ME3: variants seen among roughly 807,000 people sequenced by gnomAD.
ME3 encodes malic enzyme 3, also known as NADP-dependent malic enzyme, mitochondrial.
ME3 carries 48 observed loss-of-function variants against 68.9 expected under a neutral mutation model. That is an observed-to-expected ratio of 0.70 (90% CI 0.55 to 0.89). ME3 has a LOEUF of 0.89. Ranked by LOEUF, ME3 falls within the 40% of genes least tolerant of loss-of-function variation. The probability of loss-of-function intolerance (pLI) is 0.00; values close to 1 mark genes in which losing one functional copy is unlikely to be tolerated. For synonymous variants in ME3, 320 were observed against 318.8 expected, an observed-to-expected ratio of 1.00 and a Z score of -0.04; for missense variants, 675 against 797.4, an observed-to-expected ratio of 0.85 and a Z score of 1.85.
chr11:86,494,178 A>C (rs900006827), intron 6 of ME3, among the ~76,000 whole-genome samples: 1 of 152,170 alleles, frequency 6.6e-6, no homozygotes, highest in African/African-American at 2.4e-5. Flanking sequence ...AGTTTCTTCA[A>C]GTGGGTCTGG....
chr11:86,481,836 C>G (rs557337749), intron 7 of ME3, among the ~76,000 whole-genome samples: 1 of 152,234 alleles, frequency 6.6e-6, no homozygotes, highest in Admixed American at 6.5e-5. Context: ...CTCACAGCTC[C>G]AAAGGGGGCA....
At chr11:86,590,715 G>C (rs1346747824) in intron 2 of ME3, among the ~76,000 whole-genome samples, 1 of 152,168 alleles carries the variant, frequency 6.6e-6, no homozygotes, top group Non-Finnish European at 1.5e-5. Context: ...TGTTAATTAC[G>C]TTACTCTGGA....
rs1223143674 is a variant in ME3 at position 86,633,363 on chromosome 11, G to A, written c.183+38399C>T. Among the ~76,000 whole-genome samples, 5 of 152,172 alleles carry A rather than the reference G, an allele frequency of 3.3e-5. No homozygotes were observed. The East Asian group carries it at 9.6e-4, about 29-fold the overall frequency. ...TTATTAACCCTATTTTGTAGATCAG[G>A]AAACTGAGCACAACATGCTTACATA... is the stretch of plus-strand genomic sequence containing the variant. On this transcript the variant is annotated intron_variant, in intron 2 of 14. Transcript: ENST00000543262.
At chr11:86,557,468 G>T (rs1046761398) in intron 3 of ME3, among the ~76,000 whole-genome samples, 1 of 152,202 alleles carries the variant, frequency 6.6e-6, no homozygotes, top group Non-Finnish European at 1.5e-5. Flanking sequence ...CTGGCATGAG[G>T]TGGGATGGGA....
At chr11:86,544,774 T>G (rs144748880) in intron 4 of ME3, among the ~76,000 whole-genome samples, 15 of 151,966 alleles carry the variant, frequency 9.9e-5, no homozygotes. Flanking sequence ...TTCCAAACAA[T>G]AGAAAGAGAG....
chr11:86,565,259 A>G (rs995254389), intron 2 of ME3, among the ~76,000 whole-genome samples: 1 of 152,084 alleles, frequency 6.6e-6, no homozygotes, highest in Non-Finnish European at 1.5e-5. Flanking sequence ...AGAAATGAAA[A>G]CTCTGACTGG....
At chr11:86,482,708 A>G (rs562020292) in intron 7 of ME3, among the ~76,000 whole-genome samples, 65 of 151,752 alleles carry the variant, frequency 4.3e-4, no homozygotes, top group African/African-American at 1.5e-3. Context: ...GGAGCCCTAG[A>G]CTATCATGTA....
chr11:86,437,277 A>G (rs1282109408), downstream of ME3: 4 of 152,130 alleles, frequency 2.6e-5, no homozygotes, highest in Non-Finnish European at 5.9e-5. Flanking sequence ...TTGCACATAT[A>G]TATTCATTTT....
At chr11:86,471,226 C>A (rs1471320641) in intron 7 of ME3, among the ~76,000 whole-genome samples, 1 of 149,404 alleles carries the variant, frequency 6.7e-6, no homozygotes, top group Non-Finnish European at 1.5e-5. Flanking sequence ...TCCTCCACCT[C>A]CCGGGTTCAA....
At chr11:86,527,169 A>C (rs577083674) in intron 4 of ME3, among the ~76,000 whole-genome samples, 5 of 152,352 alleles carry the variant, frequency 3.3e-5, no homozygotes, top group African/African-American at 1.2e-4. Flanking sequence ...GAAATCCTTA[A>C]AGGACCTGAT....
Position 86,441,572 on chromosome 11 carries a change from T to C in ME3, c.1654-132A>G, listed in dbSNP as rs568579127. On this transcript the variant is annotated intron_variant, in intron 14 of 14. Transcript: ENST00000543262. ...TTGTTTCTTTCATGAGTATGGCTCA[T>C]GAAACAACTGGATAGGAAGGATTTT... 6.0e-6 allele frequency: 5 copies of C among 833,174 alleles called. No individual in the cohort carries two copies. The South Asian group carries it at 1.2e-4, about 21-fold the overall frequency. The allele number at this position is 833,174 out of a possible 1,614,324, so 51.6% of individuals were successfully genotyped here.
intron 2 of ME3, among the ~76,000 whole-genome samples, chr11:86,620,341 A>G (rs1306186249): frequency 1.3e-5 from 2 of 152,190 alleles, no homozygotes; most frequent in African/African-American, 4.8e-5. Flanking sequence ...CAGACATGTA[A>G]TCTTTTAATT....
chr11:86,533,535 G>A (rs1483598461), intron 4 of ME3, among the ~76,000 whole-genome samples: 1 of 152,150 alleles, frequency 6.6e-6, no homozygotes, highest in East Asian at 1.9e-4. Flanking sequence ...CCCAGGACCA[G>A]ACAGCTTCAC....
chr11:86,599,400 A>G (rs1960182299), intron 2 of ME3, among the ~76,000 whole-genome samples: 1 of 152,196 alleles, frequency 6.6e-6, no homozygotes, highest in Non-Finnish European at 1.5e-5. Flanking sequence ...AAGTTTAGAG[A>G]AAAAAGAATA....
intron 13 of ME3, among the ~76,000 whole-genome samples, 200 bp downstream of exon 13, chr11:86,446,114 C>A (rs527729153): frequency 3.2e-4 from 48 of 152,316 alleles, no homozygotes; most frequent in African/African-American, 1.1e-3. Context: ...ATTCCCCATT[C>A]CCCCTCAAAA....
chr11:86,624,638 G>A (rs1175745629), intron 2 of ME3, among the ~76,000 whole-genome samples: 1 of 152,230 alleles, frequency 6.6e-6, no homozygotes. Flanking sequence ...GGAAAACTTA[G>A]CTGATTACAT....
chr11:86,599,042 G>A (rs1960111039), intron 2 of ME3, among the ~76,000 whole-genome samples: 1 of 152,222 alleles, frequency 6.6e-6, no homozygotes, highest in Non-Finnish European at 1.5e-5. Context: ...AAAGCAGAGT[G>A]CCTCTCCTCC....
chr11:86,498,155 G>A (rs893151360), intron 5 of ME3, 31 bp from the exon 6 acceptor site: 18 of 1,589,740 alleles, frequency 1.1e-5, no homozygotes, highest in Admixed American at 6.8e-5. Flanking sequence ...ATCAATCAGG[G>A]ACAGCACTTC....
intron 5 of ME3, among the ~76,000 whole-genome samples, chr11:86,503,937 G>A (rs951303915): frequency 6.6e-6 from 1 of 152,154 alleles, no homozygotes; most frequent in African/African-American, 2.4e-5. Flanking sequence ...AGTCAGAAAA[G>A]CAGTTCTCAC....
Sources: allele counts gnomAD v4.1 joint callset (sites outside exome capture counted in the v4.1 genomes callset), GRCh38; gene constraint gnomAD v4.1.1; transcripts MANE v1.5; gene names NCBI Gene and HGNC (gene_info 2026-07-23, HGNC 2026-07-21).